The following TMEM196 variants were observed in gnomAD, a reference collection of about 807,000 sequenced individuals.
TMEM196 encodes the protein transmembrane protein 196.
A neutral mutation model predicts 20.0 loss-of-function variants in TMEM196; 17 were observed. That is an observed-to-expected ratio of 0.85 (90% CI 0.58 to 1.27). The LOEUF (loss-of-function observed/expected upper bound fraction) is 1.27. TMEM196 is among the 50% of genes most tolerant of loss of function. The pLI is 0.00. For missense variants in TMEM196, 267 were observed against 223.0 expected (o/e 1.20, Z -1.26); for synonymous variants, 113 against 88.9 (o/e 1.27, Z -1.52).
intron 1 of TMEM196, among the ~76,000 whole-genome samples, chr7:19,757,337 C>CTTTTTTT (rs59859025): frequency 6.5e-4 from 46 of 70,852 alleles, no homozygotes; most frequent in Admixed American, 7.7e-4. Flanking sequence ...CCACACCCAG[C>CTTTTTTT]TTTTTTTTTT....
intron 2 of TMEM196, among the ~76,000 whole-genome samples, chr7:19,727,296 G>A (rs1430857711): frequency 1.3e-5 from 2 of 152,096 alleles, no homozygotes; most frequent in Non-Finnish European, 2.9e-5. Context: ...TGTTGCCCTA[G>A]GAGTAGGGAG....
At chr7:19,758,281 A>G (rs1785295816) in intron 1 of TMEM196, among the ~76,000 whole-genome samples, 1 of 152,188 alleles carries the variant, frequency 6.6e-6, no homozygotes, top group Non-Finnish European at 1.5e-5. Context: ...CACCATGGAA[A>G]AGATGCCAAA....
At chr7:19,760,839 G>T (rs1167677174) in intron 1 of TMEM196, among the ~76,000 whole-genome samples, 1 of 152,132 alleles carries the variant, frequency 6.6e-6, no homozygotes. Flanking sequence ...ATCAATATTT[G>T]TTCACTAAAT....
intron 1 of TMEM196, among the ~76,000 whole-genome samples, chr7:19,759,656 G>A (rs1169569981): frequency 6.6e-6 from 1 of 150,998 alleles, no homozygotes; most frequent in African/African-American, 2.4e-5. Flanking sequence ...ACACACGCAG[G>A]CACACACACA....
At chr7:19,731,751 G>T (rs1302190333) in intron 1 of TMEM196, among the ~76,000 whole-genome samples, 1 of 152,134 alleles carries the variant, frequency 6.6e-6, no homozygotes, top group Non-Finnish European at 1.5e-5. Context: ...TTGCTATTTT[G>T]TATTATCTCA....
At chr7:19,724,911 A>C (rs1337185447) in intron 3 of TMEM196, among the ~76,000 whole-genome samples, 1 of 152,220 alleles carries the variant, frequency 6.6e-6, no homozygotes, top group Non-Finnish European at 1.5e-5. Flanking sequence ...TATACAATTA[A>C]TTTAACTTCC....
At chr7:19,744,262 T>G (rs1255110329) in intron 1 of TMEM196, among the ~76,000 whole-genome samples, 1 of 152,202 alleles carries the variant, frequency 6.6e-6, no homozygotes, top group African/African-American at 2.4e-5. Context: ...ACTGATTCAT[T>G]TATTCATTAC....
At chr7:19,732,174 C>T (rs1287613836) in intron 1 of TMEM196, among the ~76,000 whole-genome samples, 2 of 152,184 alleles carry the variant, frequency 1.3e-5, no homozygotes, top group African/African-American at 4.8e-5. Context: ...CACGTGGGGA[C>T]ATGGTCCAGA....
In TMEM196 at chr7:19,719,981, A is replaced by G. The variant is rs534979772; in HGVS notation, c.*2147T>C. On this transcript the variant is annotated 3_prime_UTR_variant, in exon 5 of 5. Coordinates refer to ENST00000405844, the MANE Select transcript of TMEM196 (RefSeq NM_001363562.2). ...TATTATAATTTTGTATTGAACAAGC[A>G]TGTTTATAGAGAAATGCTACTGAAA... 2 of 152,052 alleles carry G rather than the reference A, an allele frequency of 1.3e-5. No homozygotes were observed. The highest frequency in any genetic ancestry group is 4.8e-5 in the African/African-American group (2 of 41,428). The allele number at this position is 152,052 out of a possible 1,614,324, so 9.4% of individuals were successfully genotyped here.
intron 1 of TMEM196, among the ~76,000 whole-genome samples, chr7:19,737,253 C>T (rs748597039): frequency 1.8e-4 from 27 of 151,798 alleles, no homozygotes; most frequent in Non-Finnish European, 3.7e-4. Flanking sequence ...TAAATTTAAA[C>T]AACAGTGAAA....
At chr7:19,741,215 A>G (rs560041322) in intron 1 of TMEM196, among the ~76,000 whole-genome samples, 8 of 152,288 alleles carry the variant, frequency 5.3e-5, no homozygotes, top group South Asian at 2.1e-4. Flanking sequence ...ATGGAATTCA[A>G]TGTGTTATTT....
intron 1 of TMEM196, among the ~76,000 whole-genome samples, chr7:19,754,384 C>T (rs952917662): frequency 7.9e-5 from 12 of 152,020 alleles, no homozygotes; most frequent in Admixed American, 1.3e-4. Context: ...CAAAGTTAGC[C>T]CAATAATTAT....
chr7:19,742,893 C>G (rs1381460251), intron 1 of TMEM196, among the ~76,000 whole-genome samples: 1 of 152,184 alleles, frequency 6.6e-6, no homozygotes, highest in Non-Finnish European at 1.5e-5. Flanking sequence ...CAAGGTTCTT[C>G]TCTTTCCTAA....
chr7:19,732,733 G>A (rs752925743), intron 1 of TMEM196, among the ~76,000 whole-genome samples: 1 of 151,544 alleles, frequency 6.6e-6, no homozygotes, highest in Admixed American at 6.6e-5. Context: ...GTTAATTTAT[G>A]ATATAACTTC....
intron 1 of TMEM196, among the ~76,000 whole-genome samples, chr7:19,751,116 A>T (rs1389788746): frequency 6.6e-6 from 1 of 152,224 alleles, no homozygotes; most frequent in Non-Finnish European, 1.5e-5. Flanking sequence ...CCACTAAACC[A>T]TGTGAAGAAG....
intron 1 of TMEM196, among the ~76,000 whole-genome samples, chr7:19,763,527 C>G (rs1028024109): frequency 6.6e-6 from 1 of 152,010 alleles, no homozygotes; most frequent in Non-Finnish European, 1.5e-5. Context: ...ACATGCACAC[C>G]AAATCACAAC....
chr7:19,733,506 G>T (rs1583424705), intron 1 of TMEM196, among the ~76,000 whole-genome samples: 1 of 152,038 alleles, frequency 6.6e-6, no homozygotes, highest in African/African-American at 2.4e-5. Context: ...TTGTGTTGAG[G>T]GAGGTGTAAA....
chr7:19,739,959 G>T (rs1355685409), intron 1 of TMEM196, among the ~76,000 whole-genome samples: 10 of 134,920 alleles, frequency 7.4e-5, no homozygotes, highest in Admixed American at 4.2e-4. Context: ...GGTGTGTTTT[G>T]TGTGTGTGTG....
Position 19,721,826 on chromosome 7 carries a change from G to C in TMEM196, c.*302C>G. 2.6e-6 allele frequency: 1 copy of C among 389,370 alleles called. No individual in the cohort carries two copies. The highest frequency in any genetic ancestry group is 4.5e-6 in the Non-Finnish European group (1 of 220,140). The allele number at this position is 389,370 out of a possible 1,614,324, so 24.1% of individuals were successfully genotyped here. A position where few individuals can be genotyped will look rare whatever the true frequency, so the allele number is the denominator to read the frequency against. On this transcript the variant is annotated 3_prime_UTR_variant, in exon 5 of 5. Transcript: ENST00000405844. ...TTCTGTTTTATTATCTCTTTTTCCT[G>C]AAAAGTCTTCTTTAGAACAATCTGG...
Sources: gnomAD v4.1 joint callset for allele counts (sites outside exome capture counted in the v4.1 genomes callset) on GRCh38, gnomAD v4.1.1 for gene constraint, MANE v1.5 for transcripts, NCBI Gene and HGNC (gene_info 2026-07-23, HGNC 2026-07-21) for gene names.